The following DEPDC1B variants were observed in gnomAD, a reference collection of about 807,000 sequenced individuals.
The protein encoded by DEPDC1B is DEP domain-containing protein 1B.
In DEPDC1B, 51 loss-of-function variants were observed where a neutral mutation model predicts 66.5. The ratio of observed to expected loss-of-function variants is 0.77; its 90% CI spans 0.61 to 0.97. DEPDC1B has a LOEUF of 0.97. Among genes scored for constraint, DEPDC1B ranks in the 50% least tolerant of loss-of-function variants. The probability of loss-of-function intolerance (pLI) is 0.00; values close to 1 mark genes in which losing one functional copy is unlikely to be tolerated. For missense variants in DEPDC1B, 552 were observed against 637.1 expected, an observed-to-expected ratio of 0.87 and a Z score of 1.44; for synonymous variants, 226 against 223.6, an observed-to-expected ratio of 1.01 and a Z score of -0.10.
At chr5:60,692,698 T>C (rs1456010513) in intron 1 of DEPDC1B, among the ~76,000 whole-genome samples, 2 of 152,052 alleles carry the variant, frequency 1.3e-5, no homozygotes, top group African/African-American at 4.8e-5. Context: ...AATCCATATA[T>C]ATGCTCCCCA....
intron 7 of DEPDC1B, among the ~76,000 whole-genome samples, chr5:60,618,692 C>G (rs1275471012): frequency 6.6e-6 from 1 of 152,192 alleles, no homozygotes; most frequent in Non-Finnish European, 1.5e-5. Flanking sequence ...GATTCACAGC[C>G]AAATTCTACC....
At chr5:60,691,723 A>C (rs1357323606) in intron 1 of DEPDC1B, among the ~76,000 whole-genome samples, 1 of 152,260 alleles carries the variant, frequency 6.6e-6, no homozygotes, top group African/African-American at 2.4e-5. Flanking sequence ...CAAAGATGTT[A>C]AACCTCATTA....
intron 7 of DEPDC1B, among the ~76,000 whole-genome samples, chr5:60,622,020 CAT>C (rs1752714829): frequency 6.8e-6 from 1 of 148,084 alleles, no homozygotes; most frequent in African/African-American, 2.6e-5. Context: ...AAAAATAAAA[CAT>C]GATGCTTTAA....
At chr5:60,646,661 G>A (rs975842968) in intron 3 of DEPDC1B, among the ~76,000 whole-genome samples, 1 of 152,132 alleles carries the variant, frequency 6.6e-6, no homozygotes, top group African/African-American at 2.4e-5. Context: ...CAACCCACAG[G>A]CCACAGACTG....
At chr5:60,634,820 G>T (rs898264492) in intron 7 of DEPDC1B, among the ~76,000 whole-genome samples, 5 of 151,770 alleles carry the variant, frequency 3.3e-5, no homozygotes, top group African/African-American at 1.2e-4. Context: ...TGACAATCTT[G>T]GTAGGCAGCA....
intron 2 of DEPDC1B, among the ~76,000 whole-genome samples, chr5:60,684,301 A>G (rs1437662094): frequency 1.3e-5 from 2 of 152,204 alleles, no homozygotes; most frequent in Non-Finnish European, 2.9e-5. Flanking sequence ...AAACAATCCC[A>G]AGCCAAAAGA....
chr5:60,648,705 G>C (rs192347747), intron 2 of DEPDC1B, among the ~76,000 whole-genome samples: 8 of 152,154 alleles, frequency 5.3e-5, no homozygotes, highest in Admixed American at 4.6e-4. Context: ...CATCAGTTTT[G>C]GGTCAGTTAA....
chr5:60,636,822 C>A (rs1753054097), intron 7 of DEPDC1B, among the ~76,000 whole-genome samples: 2 of 152,038 alleles, frequency 1.3e-5, no homozygotes, highest in Non-Finnish European at 2.9e-5. Flanking sequence ...CCTGCTGATA[C>A]CTAAAGGCAA....
chr5:60,623,334 T>C (rs1190816398), intron 7 of DEPDC1B, among the ~76,000 whole-genome samples: 2 of 152,112 alleles, frequency 1.3e-5, no homozygotes, highest in African/African-American at 4.8e-5. Flanking sequence ...GGCCTAAATA[T>C]CTATCCTTAT....
intron 2 of DEPDC1B, among the ~76,000 whole-genome samples, chr5:60,667,159 T>C (rs962844499): frequency 6.6e-6 from 1 of 152,058 alleles, no homozygotes; most frequent in South Asian, 2.1e-4. Context: ...AGAAAATATA[T>C]CTCTCTGACT....
At chr5:60,676,052 C>G (rs934360864) in intron 2 of DEPDC1B, among the ~76,000 whole-genome samples, 1 of 151,868 alleles carries the variant, frequency 6.6e-6, no homozygotes, top group Non-Finnish European at 1.5e-5. Context: ...CTCAGCCTCC[C>G]GAGTAGCTGG....
intron 1 of DEPDC1B, among the ~76,000 whole-genome samples, chr5:60,691,678 A>T (rs1276699556): frequency 3.3e-5 from 5 of 151,568 alleles, no homozygotes; most frequent in Admixed American, 1.3e-4. Flanking sequence ...GGTATATCAT[A>T]AAAAAAAAGA....
chr5:60,682,782 A>T (rs1198240608), intron 2 of DEPDC1B, among the ~76,000 whole-genome samples: 1 of 152,214 alleles, frequency 6.6e-6, no homozygotes, highest in Non-Finnish European at 1.5e-5. Flanking sequence ...AAGTAACAAG[A>T]TTGAATCACT....
At chr5:60,672,668 A>G (rs1754068959) in intron 2 of DEPDC1B, among the ~76,000 whole-genome samples, 1 of 152,222 alleles carries the variant, frequency 6.6e-6, no homozygotes, top group Non-Finnish European at 1.5e-5. Flanking sequence ...CTTGGTGACC[A>G]GTATATCCTA....
chr5:60,619,533 TTC>T (rs1752651339), intron 7 of DEPDC1B, among the ~76,000 whole-genome samples: 2 of 152,128 alleles, frequency 1.3e-5, no homozygotes, highest in African/African-American at 4.8e-5. Context: ...TGAACTCCCA[TTC>T]ACAATTGCTT....
intron 9 of DEPDC1B, among the ~76,000 whole-genome samples, chr5:60,601,854 T>C (rs966268104): frequency 2.0e-5 from 3 of 152,196 alleles, no homozygotes; most frequent in African/African-American, 7.2e-5. Context: ...CATGTTTTAA[T>C]TCCCCAGAAA....
At chr5:60,610,392 C>A (rs147444069) in intron 7 of DEPDC1B, among the ~76,000 whole-genome samples, 1 of 152,150 alleles carries the variant, frequency 6.6e-6, no homozygotes, top group African/African-American at 2.4e-5. Context: ...TATCTTAAAG[C>A]ATTAAAACTA....
intron 7 of DEPDC1B, 77 bp downstream of exon 7, chr5:60,638,673 G>A (rs1753115259): frequency 1.6e-5 from 23 of 1,437,834 alleles, no homozygotes; most frequent in Admixed American, 2.4e-5. Context: ...TTTGGCTAAT[G>A]GAAGTCTCAA....
rs1270132014 is a variant in DEPDC1B at position 60,638,774 on chromosome 5, A to G, written c.874T>C (p.Phe292Leu). The G allele has an allele frequency of 6.2e-7, 1 of 1,610,566 alleles. No homozygotes were observed. The highest frequency in any genetic ancestry group is 1.7e-5 in the Admixed American group (1 of 59,328). Residue 292 changes from phenylalanine (F) to leucine (L), a missense_variant, in exon 7 of 11, where the codon TTT (phenylalanine) becomes CTT (leucine). By Grantham distance (22) the Phe-to-Leu change is conservative (BLOSUM62 0). Coordinates refer to ENST00000265036, the MANE Select transcript of DEPDC1B (RefSeq NM_018369.3). ...LKEPLLTFHL[F>L]DAFVSVLGLL... ...CCCAGTACACTGACAAAAGCATCAA[A>G]AAGATGAAATGTAAGTAGAGGCTCT...
Sources: allele counts gnomAD v4.1 joint callset (sites outside exome capture counted in the v4.1 genomes callset), GRCh38; gene constraint gnomAD v4.1.1; transcripts MANE v1.5; gene names NCBI Gene and HGNC (gene_info 2026-07-23, HGNC 2026-07-21).